NAV2: variants seen among roughly 807,000 people sequenced by gnomAD.
The protein encoded by NAV2 is neuron navigator 2, also known as helicase, APC down-regulated 1.
A neutral mutation model predicts 223.2 loss-of-function variants in NAV2; 54 were observed. That is an observed-to-expected ratio of 0.24 (90% CI 0.19 to 0.30). The LOEUF (loss-of-function observed/expected upper bound fraction) is 0.30. NAV2 is among the 10% of genes least tolerant of loss of function. The probability of loss-of-function intolerance (pLI) is 1.00; values close to 1 mark genes in which losing one functional copy is unlikely to be tolerated. For synonymous variants in NAV2, 1,279 were observed against 1,239.3 expected, an observed-to-expected ratio of 1.03 and a Z score of -0.67; for missense variants, 2,806 against 3,147.5, an observed-to-expected ratio of 0.89 and a Z score of 2.60.
rs144164292 is a variant in NAV2, at chr11:19,659,720, T to C, written c.76-172764T>C. 1.9e-3 allele frequency among the ~76,000 whole-genome samples: 292 copies of C among 152,236 alleles called. 2 individuals carry two copies. The highest frequency in any genetic ancestry group is 6.3e-3 in the African/African-American group (262 of 41,540). On this transcript the variant is annotated intron_variant, in intron 1 of 37. Coordinates refer to the NAV2 transcript ENST00000360655. ...TCTAGATCTCAGTTTCTTTGAGACATTGAAGACAAGAGGCTCAAACCAGAA... is the reference window on the plus strand; with the variant it reads ...TCTAGATCTCAGTTTCTTTGAGACACTGAAGACAAGAGGCTCAAACCAGAA...
At chr11:19,621,964 C>T (rs184070061) in intron 1 of NAV2, among the ~76,000 whole-genome samples, 1 of 152,272 alleles carries the variant, frequency 6.6e-6, no homozygotes, top group East Asian at 1.9e-4. Flanking sequence ...TGTCTTTGTT[C>T]TCATTGGTTT....
At chr11:19,546,051 G>A (rs1314358681) in intron 1 of NAV2, among the ~76,000 whole-genome samples, 1 of 152,168 alleles carries the variant, frequency 6.6e-6, no homozygotes, top group Non-Finnish European at 1.5e-5. Flanking sequence ...ATTTCCCTCA[G>A]ATGCTTCCAG....
At chr11:19,979,584 T>TCTCCGGAGCTCGTTCCCCCC in intron 10 of NAV2, among the ~76,000 whole-genome samples, 1 of 152,324 alleles carries the variant, frequency 6.6e-6, no homozygotes, top group Admixed American at 6.5e-5. Flanking sequence ...TGCGACGCTT[T>TCTCCGGAGCTCGTTCCCCCC]CTCCCGTGTG....
intron 6 of NAV2, among the ~76,000 whole-genome samples, chr11:19,922,191 A>G (rs2044331910): frequency 6.6e-6 from 1 of 151,990 alleles, no homozygotes; most frequent in African/African-American, 2.4e-5. Context: ...CTCACTGTCC[A>G]GACACTCTTG....
chr11:19,841,207 T>G (rs1476121942), intron 2 of NAV2, among the ~76,000 whole-genome samples: 1 of 152,206 alleles, frequency 6.6e-6, no homozygotes, highest in Non-Finnish European at 1.5e-5. Flanking sequence ...AAGGTGTAGA[T>G]TAGACTGAAT....
intron 1 of NAV2, among the ~76,000 whole-genome samples, chr11:19,554,864 T>C (rs1379700280): frequency 1.3e-5 from 2 of 151,882 alleles, no homozygotes; most frequent in Non-Finnish European, 2.9e-5. Flanking sequence ...GGAGAATCAC[T>C]TGAACCCGGG....
At chr11:19,475,610 A>G (rs2042090659) in intron 1 of NAV2, among the ~76,000 whole-genome samples, 1 of 152,164 alleles carries the variant, frequency 6.6e-6, no homozygotes, top group Non-Finnish European at 1.5e-5. Context: ...TCTCTGGGGA[A>G]TCCCTGGAGG....
chr11:19,465,518 T>G (rs2702636), intron 1 of NAV2, among the ~76,000 whole-genome samples: 89,768 of 151,756 alleles, frequency 0.59, 27,691 homozygotes, highest in Non-Finnish European at 0.7. Flanking sequence ...CAATTCATGA[T>G]GAAAGCCTAA....
chr11:19,769,565 T>C (rs2055537463), intron 1 of NAV2, among the ~76,000 whole-genome samples: 1 of 152,094 alleles, frequency 6.6e-6, no homozygotes, highest in Non-Finnish European at 1.5e-5. Context: ...CCAGTGGTGC[T>C]CACTGGAGGC....
chr11:19,677,383 C>A (rs552670921), intron 1 of NAV2, among the ~76,000 whole-genome samples: 1 of 152,238 alleles, frequency 6.6e-6, no homozygotes, highest in Non-Finnish European at 1.5e-5. Context: ...GCAAAGGCAG[C>A]ACCTGGCCAT....
upstream of NAV2, among the ~76,000 whole-genome samples, chr11:19,347,744 A>G (rs1757999686): frequency 6.6e-6 from 1 of 152,212 alleles, no homozygotes; most frequent in African/African-American, 2.4e-5. Context: ...TCAATCCAGC[A>G]CGCATGTTCA....
At chr11:19,828,812 C>G (rs777528900) in intron 1 of NAV2, among the ~76,000 whole-genome samples, 1 of 152,142 alleles carries the variant, frequency 6.6e-6, no homozygotes, top group South Asian at 2.1e-4. Flanking sequence ...TAGGAAAGTT[C>G]GTTTGGCATT....
intron 1 of NAV2, among the ~76,000 whole-genome samples, chr11:19,446,340 C>G (rs1055680352): frequency 2.3e-4 from 35 of 152,220 alleles, no homozygotes; most frequent in Non-Finnish European, 4.9e-4. Context: ...TGGGGAGGAG[C>G]AATTTAAATA....
chr11:20,107,711 G>T lies in NAV2; in HGVS notation c.6889G>T (p.Val2297Leu). ...CCCCATCGATGTGGACGGCTCGAGA[G>T]TGTGGTTCACCGACTTGTGGAACTA... ...SCPIDVDGSR[V>L]WFTDLWNYSI... The change falls in exon 36 of 38, where the codon GTG becomes TTG. Residue 2297 changes from valine (V) to leucine (L), a missense_variant. By Grantham distance (32) the Val-to-Leu change is conservative. Coordinates refer to ENST00000349880, the MANE Select transcript of NAV2 (RefSeq NM_145117.5). The T allele has an allele frequency of 6.2e-7, 1 of 1,614,210 alleles. No homozygotes were observed. The highest frequency in any genetic ancestry group is 8.5e-7 in the Non-Finnish European group (1 of 1,180,046).
At chr11:19,647,995 C>T (rs368039547) in intron 1 of NAV2, among the ~76,000 whole-genome samples, 1 of 152,250 alleles carries the variant, frequency 6.6e-6, no homozygotes. Flanking sequence ...AGCTTCCCTA[C>T]ATTGATGTGG....
At position 19,896,981 on chromosome 11, in the gene NAV2, C is replaced by T. The variant is rs550612315; in HGVS notation, c.931+4387C>T. 1.8e-3 allele frequency among the ~76,000 whole-genome samples: 277 copies of T among 152,090 alleles called. 4 individuals carry two copies. The highest frequency in any genetic ancestry group is 6.4e-3 in the African/African-American group (265 of 41,434). ...CACAATAGCAAAGACTTGGAACCAACCCAAATGTCCAACAATGATAGACTG... is the reference window on the plus strand; with the variant it reads ...CACAATAGCAAAGACTTGGAACCAATCCAAATGTCCAACAATGATAGACTG... On this transcript the variant is annotated intron_variant, in intron 6 of 37. Coordinates refer to ENST00000349880, the MANE Select transcript of NAV2 (RefSeq NM_145117.5).
chr11:19,945,753 C>A (rs138653092), intron 8 of NAV2, among the ~76,000 whole-genome samples: 1 of 152,300 alleles, frequency 6.6e-6, no homozygotes, highest in African/African-American at 2.4e-5. Context: ...CAGTTTGTCT[C>A]CACAAATGTC....
chr11:19,592,318 G>T (rs1342487242), intron 1 of NAV2, among the ~76,000 whole-genome samples: 3 of 151,936 alleles, frequency 2.0e-5, no homozygotes, highest in Non-Finnish European at 4.4e-5. Flanking sequence ...ACCCTTTCCT[G>T]CATCACTGCC....
chr11:20,002,402 G>A (rs573452985), intron 11 of NAV2, among the ~76,000 whole-genome samples: 8 of 152,240 alleles, frequency 5.3e-5, no homozygotes, highest in East Asian at 3.9e-4. Context: ...AGATCAGGTC[G>A]TGAGCGACTA....
Sources: allele counts gnomAD v4.1 joint callset (sites outside exome capture counted in the v4.1 genomes callset), GRCh38; gene constraint gnomAD v4.1.1; transcripts MANE v1.5; gene names NCBI Gene and HGNC (gene_info 2026-07-23, HGNC 2026-07-21).